The following C1GALT1 variants were observed in gnomAD, a reference collection of about 807,000 sequenced individuals.
C1GALT1 encodes core 1 synthase, glycoprotein-N-acetylgalactosamine 3-beta-galactosyltransferase 1.
In C1GALT1, 11 loss-of-function variants were observed where a neutral mutation model predicts 31.0. The observed-to-expected ratio is 0.36, with a 90% CI of 0.22 to 0.59. The LOEUF (loss-of-function observed/expected upper bound fraction) is 0.59. C1GALT1 is among the 20% of genes least tolerant of loss of function. C1GALT1 has a pLI of 0.79. For synonymous variants in C1GALT1, 175 were observed against 143.6 expected (o/e 1.22, Z -1.56); for missense variants, 424 against 425.2 (o/e 1.00, Z 0.03).
At chr7:7,165,218 C>A (rs1361756744) in intron 2 of C1GALT1, among the ~76,000 whole-genome samples, 1 of 152,004 alleles carries the variant, frequency 6.6e-6, no homozygotes, top group Non-Finnish European at 1.5e-5. Flanking sequence ...CAGGTTGTGC[C>A]CACCCATCTG....
At chr7:7,169,771 T>C (rs547505915) in intron 2 of C1GALT1, among the ~76,000 whole-genome samples, 3 of 152,352 alleles carry the variant, frequency 2.0e-5, no homozygotes, top group South Asian at 4.1e-4. Context: ...TAGTGCTTTG[T>C]TGAAGATTTT....
intron 1 of C1GALT1, among the ~76,000 whole-genome samples, chr7:7,216,681 CG>C (rs1202256724): frequency 2.0e-5 from 3 of 152,170 alleles, no homozygotes; most frequent in African/African-American, 7.2e-5. Flanking sequence ...CTATCTTAAT[CG>C]GAGACAGAAT....
intron 1 of C1GALT1, among the ~76,000 whole-genome samples, chr7:7,212,828 C>T (rs187345762): frequency 1.2e-4 from 18 of 152,160 alleles, no homozygotes; most frequent in African/African-American, 4.3e-4. Flanking sequence ...AAAGTACATT[C>T]ACAAGGACAG....
intron 1 of C1GALT1, among the ~76,000 whole-genome samples, chr7:7,191,270 T>A (rs1209044401): frequency 3.3e-5 from 5 of 152,174 alleles, no homozygotes; most frequent in African/African-American, 9.7e-5. Context: ...TTATTTCATT[T>A]AGCAAAATGT....
chr7:7,190,584 T>A (rs1286398136), intron 1 of C1GALT1, among the ~76,000 whole-genome samples: 1 of 152,184 alleles, frequency 6.6e-6, no homozygotes, highest in Non-Finnish European at 1.5e-5. Flanking sequence ...ATTGTTTTCA[T>A]TACCTTTTTT....
chr7:7,235,655 C>A (rs937488337), intron 2 of C1GALT1, among the ~76,000 whole-genome samples: 7 of 152,152 alleles, frequency 4.6e-5, no homozygotes, highest in African/African-American at 1.7e-4. Context: ...CAGTGGCCTA[C>A]AAAATGTGGG....
At chr7:7,199,634 G>A (rs1056210455) in intron 1 of C1GALT1, among the ~76,000 whole-genome samples, 1 of 152,214 alleles carries the variant, frequency 6.6e-6, no homozygotes, top group Non-Finnish European at 1.5e-5. Context: ...AATGTTGACA[G>A]TGGAGTGTTA....
In C1GALT1 at chr7:7,174,551, G is replaced by A. The variant is rs566102072; in HGVS notation, c.-18+17125G>A. On this transcript the variant is annotated intron_variant, in intron 2 of 3. Coordinates refer to the C1GALT1 transcript ENST00000429911. ...AAGCTCAGGAATTCAAGACCAGCCC[G>A]GGCAACATAGTGAGAACTCATCTCT... Among the ~76,000 whole-genome samples, 84 of 151,718 alleles carry A rather than the reference G, an allele frequency of 5.5e-4. 2 individuals carry two copies. The South Asian group carries it at 8.3e-3, about 15-fold the overall frequency.
At chr7:7,239,119 C>A (rs1023672999) in intron 3 of C1GALT1, among the ~76,000 whole-genome samples, 197 bp downstream of exon 3, 1 of 152,148 alleles carries the variant, frequency 6.6e-6, no homozygotes, top group Non-Finnish European at 1.5e-5. Context: ...TAGCAAATAG[C>A]TATTGATGCT....
intron 2 of C1GALT1, among the ~76,000 whole-genome samples, chr7:7,164,538 G>T (rs1259384617): frequency 1.3e-5 from 2 of 152,124 alleles, no homozygotes; most frequent in Non-Finnish European, 2.9e-5. Flanking sequence ...AAGTTTATTA[G>T]GGAAGACTTT....
chr7:7,167,753 A>G (rs964434106), intron 2 of C1GALT1, among the ~76,000 whole-genome samples: 1 of 152,014 alleles, frequency 6.6e-6, no homozygotes, highest in African/African-American at 2.4e-5. Flanking sequence ...GCCTCTTCTC[A>G]CAGCGCCCAG....
At chr7:7,191,171 C>G (rs1257383592) in intron 1 of C1GALT1, among the ~76,000 whole-genome samples, 1 of 152,098 alleles carries the variant, frequency 6.6e-6, no homozygotes, top group East Asian at 1.9e-4. Flanking sequence ...GCCCTGGAAA[C>G]CAAAAGCCTA....
At position 7,248,198 on chromosome 7, in the gene C1GALT1, C is replaced by T. The variant is rs1783924665; in HGVS notation, c.*4471C>T. 1 of 151,878 alleles carries T rather than the reference C, an allele frequency of 6.6e-6. No homozygotes were observed. The highest frequency in any genetic ancestry group is 2.4e-5 in the African/African-American group (1 of 41,378). 9.4% of individuals were successfully genotyped at this position (151,878 alleles called of 1,614,324 possible). ...AAGATTTGAAATAAAAACTTTAATA[C>T]AGGCTAGAATAAGGAATTTTACAAA... On this transcript the variant is annotated 3_prime_UTR_variant, in exon 4 of 4. Coordinates refer to ENST00000436587, the MANE Select transcript of C1GALT1 (RefSeq NM_020156.5).
Position 7,223,183 on chromosome 7 carries a change from G to A in C1GALT1, c.-17-11120G>A, listed in dbSNP as rs150853372. Among the ~76,000 whole-genome samples, 42 of 152,072 alleles carry A rather than the reference G, an allele frequency of 2.8e-4. No homozygotes were observed. The East Asian group carries it at 8.1e-3, about 29-fold the overall frequency. On this transcript the variant is annotated intron_variant, in intron 1 of 3. Coordinates refer to ENST00000436587, the MANE Select transcript of C1GALT1 (RefSeq NM_020156.5). ...ACAGGTTTTTCTTTTTTTGGAGATG[G>A]AGTCTTGCTCTGTCACCCAGGCTGG...
chr7:7,187,180 C>G (rs1037385980), intron 1 of C1GALT1, among the ~76,000 whole-genome samples: 1 of 152,088 alleles, frequency 6.6e-6, no homozygotes, highest in African/African-American at 2.4e-5. Context: ...TTTTTTCATC[C>G]CACTCCAGTT....
chr7:7,208,826 G>T (rs1358125322), intron 1 of C1GALT1, among the ~76,000 whole-genome samples: 1 of 152,218 alleles, frequency 6.6e-6, no homozygotes, highest in Non-Finnish European at 1.5e-5. Context: ...CTGCCTGTGG[G>T]AGTGAGGGTG....
At chr7:7,227,692 C>G (rs1204220735) in intron 1 of C1GALT1, among the ~76,000 whole-genome samples, 85 of 148,052 alleles carry the variant, frequency 5.7e-4, no homozygotes, top group Admixed American at 2.0e-3. Context: ...TGCACTCCAG[C>G]CTGGGCAACA....
At chr7:7,208,104 A>G (rs1393105143) in intron 1 of C1GALT1, among the ~76,000 whole-genome samples, 2 of 152,126 alleles carry the variant, frequency 1.3e-5, no homozygotes, top group Non-Finnish European at 2.9e-5. Flanking sequence ...TGCACGTTGT[A>G]TATGTTACTC....
intron 1 of C1GALT1, among the ~76,000 whole-genome samples, chr7:7,231,017 T>G (rs1486716398): frequency 6.6e-6 from 1 of 152,210 alleles, no homozygotes; most frequent in African/African-American, 2.4e-5. Context: ...TGAAATTCTT[T>G]TCCTTCTGCC....
Sources: gnomAD v4.1 joint callset for allele counts (sites outside exome capture counted in the v4.1 genomes callset) on GRCh38, gnomAD v4.1.1 for gene constraint, MANE v1.5 for transcripts, NCBI Gene and HGNC (gene_info 2026-07-23, HGNC 2026-07-21) for gene names.